The following SH3RF3 variants were observed in gnomAD, a reference collection of about 807,000 sequenced individuals.
SH3RF3 encodes E3 ubiquitin-protein ligase SH3RF3.
SH3RF3 carries 29 observed loss-of-function variants against 66.3 expected under a neutral mutation model. The ratio of observed to expected loss-of-function variants is 0.44; its 90% confidence interval spans 0.33 to 0.60. SH3RF3 has a LOEUF of 0.60. Ranked by LOEUF, SH3RF3 falls within the 20% of genes least tolerant of loss-of-function variation. The pLI, the probability that SH3RF3 is intolerant of heterozygous loss-of-function variation, is 0.04. For missense variants in SH3RF3, 1,194 were observed against 1,190.9 expected (o/e 1.00, Z -0.04); for synonymous variants, 583 against 532.0 (o/e 1.10, Z -1.32).
intron 1 of SH3RF3, among the ~76,000 whole-genome samples, chr2:109,281,289 G>A (rs1275261431): frequency 2.0e-5 from 3 of 152,216 alleles, no homozygotes; most frequent in African/African-American, 4.8e-5. Flanking sequence ...TTGGGGTGGA[G>A]CACCCTCAGA....
At chr2:109,223,393 C>T (rs1380576598) in intron 1 of SH3RF3, among the ~76,000 whole-genome samples, 1 of 152,152 alleles carries the variant, frequency 6.6e-6, no homozygotes, top group African/African-American at 2.4e-5. Flanking sequence ...TAGGAGCTGC[C>T]GTGTGCTCGC....
At chr2:109,257,776 G>A (rs1198354637) in intron 1 of SH3RF3, among the ~76,000 whole-genome samples, 2 of 152,172 alleles carry the variant, frequency 1.3e-5, no homozygotes, top group Admixed American at 6.5e-5. Flanking sequence ...AACAAGGGCT[G>A]AAAATGTATG....
chr2:109,494,665 G>T (rs942325149), intron 9 of SH3RF3, among the ~76,000 whole-genome samples: 2 of 152,194 alleles, frequency 1.3e-5, no homozygotes, highest in Non-Finnish European at 2.9e-5. Flanking sequence ...GGCCTCAGGT[G>T]TGCAAGGCCC....
At chr2:109,452,437 A>T (rs928032184) in intron 8 of SH3RF3, among the ~76,000 whole-genome samples, 7 of 152,162 alleles carry the variant, frequency 4.6e-5, no homozygotes, top group Admixed American at 6.5e-5. Context: ...AAAGACAGTG[A>T]GCTCCTCACT....
chr2:109,452,218 C>T (rs1387401325), intron 8 of SH3RF3, among the ~76,000 whole-genome samples: 1 of 152,214 alleles, frequency 6.6e-6, no homozygotes, highest in East Asian at 1.9e-4. Context: ...GTGTGACCTG[C>T]ACCAGCAGAC....
intron 1 of SH3RF3, among the ~76,000 whole-genome samples, chr2:109,240,443 G>A (rs1574522719): frequency 6.6e-6 from 1 of 152,032 alleles, no homozygotes; most frequent in Non-Finnish European, 1.5e-5. Flanking sequence ...AGCCAAGATC[G>A]CACCTCTGCA....
At chr2:109,296,730 G>A (rs1422628843) in intron 1 of SH3RF3, among the ~76,000 whole-genome samples, 1 of 152,182 alleles carries the variant, frequency 6.6e-6, no homozygotes, top group East Asian at 1.9e-4. Flanking sequence ...TGTGAGGTGA[G>A]GGGAGTGCAG....
intron 8 of SH3RF3, among the ~76,000 whole-genome samples, chr2:109,487,423 G>A (rs562605372): frequency 6.6e-5 from 10 of 152,328 alleles, no homozygotes; most frequent in South Asian, 2.1e-4. Context: ...ATTCCACAGC[G>A]ATTGGTAATA....
chr2:109,490,390 G>A (rs1679098030), intron 8 of SH3RF3, among the ~76,000 whole-genome samples: 1 of 152,138 alleles, frequency 6.6e-6, no homozygotes, highest in African/African-American at 2.4e-5. Context: ...GGCCCTCACT[G>A]GTTCACCCGT....
intron 1 of SH3RF3, among the ~76,000 whole-genome samples, chr2:109,205,975 G>A (rs1394175765): frequency 6.6e-6 from 1 of 152,158 alleles, no homozygotes; most frequent in East Asian, 1.9e-4. Flanking sequence ...GATTTACCAT[G>A]TTTACTCCAA....
At chr2:109,252,852 G>T (rs915849161) in intron 1 of SH3RF3, among the ~76,000 whole-genome samples, 3 of 152,098 alleles carry the variant, frequency 2.0e-5, no homozygotes, top group Non-Finnish European at 4.4e-5. Flanking sequence ...GGTTATATAG[G>T]TATGTGAAGT....
chr2:109,270,486 C>T (rs1333262736), intron 1 of SH3RF3, among the ~76,000 whole-genome samples: 1 of 152,158 alleles, frequency 6.6e-6, no homozygotes, highest in African/African-American at 2.4e-5. Flanking sequence ...GGGCTCTGAG[C>T]CACTGGACTT....
intron 1 of SH3RF3, among the ~76,000 whole-genome samples, chr2:109,218,451 C>G (rs1679152828): frequency 6.6e-6 from 1 of 152,196 alleles, no homozygotes; most frequent in Non-Finnish European, 1.5e-5. Flanking sequence ...TCAGTTTCCA[C>G]TTCCTTTCTG....
At chr2:109,300,758 A>C (rs1322831407) in intron 1 of SH3RF3, among the ~76,000 whole-genome samples, 1 of 152,216 alleles carries the variant, frequency 6.6e-6, no homozygotes, top group Non-Finnish European at 1.5e-5. Context: ...AGCAGACTTC[A>C]TGTGGGTTGG....
At chr2:109,313,359 C>T (rs1022971801) in intron 1 of SH3RF3, among the ~76,000 whole-genome samples, 10 of 152,236 alleles carry the variant, frequency 6.6e-5, no homozygotes, top group African/African-American at 2.4e-4. Context: ...GCAGTTCAGC[C>T]TAATGCACAG....
intron 2 of SH3RF3, among the ~76,000 whole-genome samples, chr2:109,360,849 A>G (rs1340426068): frequency 2.0e-5 from 3 of 152,192 alleles, no homozygotes; most frequent in African/African-American, 7.2e-5. Context: ...TATTTTTAGT[A>G]TGATGTTAAA....
chr2:109,378,336 A>C (rs1007575462), intron 3 of SH3RF3, among the ~76,000 whole-genome samples: 1 of 152,204 alleles, frequency 6.6e-6, no homozygotes, highest in Non-Finnish European at 1.5e-5. Flanking sequence ...CAAGAACCAC[A>C]TAGGCAGTGG....
intron 7 of SH3RF3, among the ~76,000 whole-genome samples, chr2:109,448,228 CTTTATG>C (rs1220923404): frequency 2.0e-5 from 3 of 152,154 alleles, no homozygotes; most frequent in African/African-American, 7.2e-5. Flanking sequence ...CTTTCACAGG[CTTTATG>C]TTTATGAGCA....
Position 109,129,590 on chromosome 2 carries a change from C to T in SH3RF3, c.50C>T (p.Ala17Val), listed in dbSNP as rs1353494553. The change falls in exon 1 of 10, where the codon GCT (alanine) becomes GTT (valine). Residue 17 changes from alanine (A) to valine (V), a missense_variant. Physicochemically the swap from Ala to Val is moderately conservative, Grantham distance 64. Coordinates refer to ENST00000309415, the MANE Select transcript of SH3RF3 (RefSeq NM_001099289.3). ...TGCGCATCCAAGGCGGCCGCCGCTG[C>T]TGCGCAGAGCGAGGGCGACGAGGAC... ...WLCASKAAAAAAQSEGDEDRP... is the reference protein window; with the variant it reads ...WLCASKAAAAVAQSEGDEDRP... 3 of 1,482,848 alleles carry T rather than the reference C, an allele frequency of 2.0e-6. No individual in the cohort carries two copies. Among genetic ancestry groups the T allele is most frequent in the African/African-American group, 1.5e-5 (1 of 68,106 alleles). 91.9% of individuals were successfully genotyped at this position (1,482,848 alleles called of 1,614,324 possible). A position where few individuals can be genotyped will look rare whatever the true frequency, so the allele number is the denominator to read the frequency against.
Sources: gnomAD v4.1 joint callset for allele counts (sites outside exome capture counted in the v4.1 genomes callset) on GRCh38, gnomAD v4.1.1 for gene constraint, MANE v1.5 for transcripts, NCBI Gene and HGNC (gene_info 2026-07-23, HGNC 2026-07-21) for gene names.